Variants in MAPK4 observed in about 807,000 individuals in gnomAD.
The protein encoded by MAPK4 is mitogen-activated protein kinase 4, also known as Erk3-related.
Under a neutral mutation model 47.7 loss-of-function variants are expected in MAPK4, and 22 were observed. The ratio of observed to expected loss-of-function variants is 0.46; its 90% CI spans 0.33 to 0.66. The LOEUF is 0.66. MAPK4 is among the 30% of genes least tolerant of loss of function. The pLI, the probability that MAPK4 is intolerant of heterozygous loss-of-function variation, is 0.02. For synonymous variants in MAPK4, 390 were observed against 365.7 expected (o/e 1.07, Z -0.76); for missense variants, 736 against 831.7 (o/e 0.88, Z 1.42).
chr18:50,612,589 G>A (rs950508110), intron 1 of MAPK4, among the ~76,000 whole-genome samples: 4 of 152,202 alleles, frequency 2.6e-5, no homozygotes, highest in Admixed American at 2.6e-4. Flanking sequence ...GATGACATTA[G>A]AGCAGAATTG....
chr18:50,605,696 A>G (rs2042576880), intron 1 of MAPK4, among the ~76,000 whole-genome samples: 1 of 152,216 alleles, frequency 6.6e-6, no homozygotes, highest in Non-Finnish European at 1.5e-5. Context: ...AACAAGAAGC[A>G]GGAGGTAGAG....
rs1375280856 is a variant in MAPK4, at chr18:50,587,116, A to T, written c.-871+26873A>T. 2.0e-5 allele frequency among the ~76,000 whole-genome samples: 3 copies of T among 152,254 alleles called. No homozygotes were observed. In the East Asian group the frequency reaches 5.8e-4, roughly 29 times the overall value. On this transcript the variant is annotated intron_variant, in intron 1 of 5. Coordinates refer to ENST00000400384, the MANE Select transcript of MAPK4 (RefSeq NM_002747.4). Reference sequence around the variant, plus strand: ...TATCTCTATCATATAAATGAGAATCAGGCAGAAGAGATTGCTGTGGTCTGA... The same window carrying T: ...TATCTCTATCATATAAATGAGAATCTGGCAGAAGAGATTGCTGTGGTCTGA...
intron 1 of MAPK4, among the ~76,000 whole-genome samples, chr18:50,563,781 C>G (rs1160109451): frequency 6.6e-6 from 1 of 152,188 alleles, no homozygotes; most frequent in Non-Finnish European, 1.5e-5. Context: ...GCTATGCTCT[C>G]TTCCTCTCCA....
At chr18:50,572,566 C>T (rs2042259100) in intron 1 of MAPK4, among the ~76,000 whole-genome samples, 1 of 152,156 alleles carries the variant, frequency 6.6e-6, no homozygotes, top group South Asian at 2.1e-4. Context: ...TTCTTATCAG[C>T]AGTCTTTCTT....
chr18:50,727,695 C>T (rs539672708), intron 5 of MAPK4, among the ~76,000 whole-genome samples: 31 of 152,224 alleles, frequency 2.0e-4, no homozygotes, highest in African/African-American at 7.2e-4. Context: ...GCTGCCTGTC[C>T]ACCCTGACCA....
At chr18:50,563,048 CCT>C (rs373492427) in intron 1 of MAPK4, among the ~76,000 whole-genome samples, 5 of 152,242 alleles carry the variant, frequency 3.3e-5, no homozygotes, top group Non-Finnish European at 5.9e-5. Context: ...ATTTCTGAGA[CCT>C]CTCTTTTAAA....
At chr18:50,572,231 C>G (rs967999795) in intron 1 of MAPK4, among the ~76,000 whole-genome samples, 2 of 152,032 alleles carry the variant, frequency 1.3e-5, no homozygotes, top group Non-Finnish European at 2.9e-5. Context: ...CAGAGAAGAA[C>G]GTTAGGGTAC....
At chr18:50,715,910 C>T (rs1910609710) in intron 3 of MAPK4, among the ~76,000 whole-genome samples, 1 of 152,162 alleles carries the variant, frequency 6.6e-6, no homozygotes, top group Non-Finnish European at 1.5e-5. Flanking sequence ...TGCCACTGTT[C>T]CCTGTCCTTC....
intron 1 of MAPK4, among the ~76,000 whole-genome samples, chr18:50,579,719 A>C (rs2149362108): frequency 6.6e-6 from 1 of 152,242 alleles, no homozygotes; most frequent in South Asian, 2.1e-4. Context: ...TACCCTCAGG[A>C]TGGTGCCAGT....
At chr18:50,568,130 A>C (rs1360272730) in intron 1 of MAPK4, among the ~76,000 whole-genome samples, 1 of 150,168 alleles carries the variant, frequency 6.7e-6, no homozygotes, top group Non-Finnish European at 1.5e-5. Context: ...CAGGAGGTGG[A>C]GCTTGCAGTG....
chr18:50,613,406 C>T (rs1261309752), intron 1 of MAPK4, among the ~76,000 whole-genome samples: 1 of 152,170 alleles, frequency 6.6e-6, no homozygotes, highest in African/African-American at 2.4e-5. Context: ...CTACAGCTGC[C>T]AGGAAATAAA....
chr18:50,669,801 C>T (rs968704548), intron 2 of MAPK4: 3 of 152,182 alleles, frequency 2.0e-5, no homozygotes, highest in African/African-American at 7.2e-5. Context: ...ATATCCATTC[C>T]TCATTCTATC....
intron 1 of MAPK4, among the ~76,000 whole-genome samples, chr18:50,591,592 C>T (rs943884288): frequency 2.0e-5 from 3 of 150,826 alleles, no homozygotes; most frequent in Non-Finnish European, 4.4e-5. Context: ...TTGTTTAGTG[C>T]ATTTATGGTT....
At position 50,664,381 on chromosome 18, in the gene MAPK4, C is replaced by T. The variant is rs45484996; in HGVS notation, c.423C>T (p.His141=). The part of the protein sequence containing the change: ...YQLLRGLKYI[H]SANVLHRDLK... ...TGCTCCGCGGGCTCAAGTACATCCACTCCGCCAACGTGCTGCACAGGGACC... is the reference window on the plus strand; with the variant it reads ...TGCTCCGCGGGCTCAAGTACATCCATTCCGCCAACGTGCTGCACAGGGACC... Residue 141 remains histidine, a synonymous_variant, in exon 2 of 6, where the codon CAC becomes CAT. Transcript: ENST00000400384. This position sits in a 1 kb window ranked among gnomAD's most constrained non-coding sequence, Gnocchi z 6.0. 4 of 1,614,070 alleles carry T rather than the reference C, an allele frequency of 2.5e-6. No individual in the cohort carries two copies. Among genetic ancestry groups the T allele is most frequent in the African/African-American group, 1.3e-5 (1 of 75,050 alleles).
chr18:50,675,011 T>C (rs183424908), intron 2 of MAPK4, among the ~76,000 whole-genome samples: 20 of 152,274 alleles, frequency 1.3e-4, no homozygotes, highest in Admixed American at 1.3e-3. Flanking sequence ...AGCCCCCCTA[T>C]ACAAAAATAT....
At position 50,610,641 on chromosome 18, in the gene MAPK4, A is replaced by G. The variant is rs117216067; in HGVS notation, c.-871+50398A>G. On this transcript the variant is annotated intron_variant, in intron 1 of 5. Coordinates refer to ENST00000400384, the MANE Select transcript of MAPK4 (RefSeq NM_002747.4). ...CCCAGTATAATTGAACAGAGACTAG[A>G]AGGGATCGTTCAGGGCTGAGAGACA... is the stretch of plus-strand genomic sequence containing the variant. Among the ~76,000 whole-genome samples the G allele has an allele frequency of 2.5e-3, 377 of 152,260 alleles. 4 individuals carry two copies. The East Asian group carries it at 0.04, about 16-fold the overall frequency.
At chr18:50,698,684 C>T (rs1225739790) in intron 2 of MAPK4, among the ~76,000 whole-genome samples, 1 of 152,182 alleles carries the variant, frequency 6.6e-6, no homozygotes, top group African/African-American at 2.4e-5. Context: ...GGGCCAGTCT[C>T]ACTTATGAGA....
intron 1 of MAPK4, among the ~76,000 whole-genome samples, chr18:50,651,097 C>T (rs1308611677): frequency 1.3e-5 from 2 of 152,304 alleles, no homozygotes; most frequent in East Asian, 1.9e-4. Flanking sequence ...GCTGGATGGT[C>T]ACCTTTTTCA....
chr18:50,561,183 G>T (rs1175290077), intron 1 of MAPK4, among the ~76,000 whole-genome samples: 2 of 152,212 alleles, frequency 1.3e-5, no homozygotes, highest in Non-Finnish European at 2.9e-5. Flanking sequence ...ACTGTCACGC[G>T]CCTCTCCAGC....
Sources: gnomAD v4.1 joint callset for allele counts (sites outside exome capture counted in the v4.1 genomes callset) on GRCh38, gnomAD v4.1.1 for gene constraint, Gnocchi (gnomAD v3.1) non-coding constraint, MANE v1.5 for transcripts, NCBI Gene and HGNC (gene_info 2026-07-23, HGNC 2026-07-21) for gene names.